Variants in NLGN1 observed in about 807,000 individuals in gnomAD.
The protein encoded by NLGN1 is neuroligin 1, also known as neuroligin-1.
NLGN1 carries 12 observed loss-of-function variants against 65.5 expected under a neutral mutation model. The observed-to-expected ratio is 0.18, with a 90% CI of 0.12 to 0.30. The LOEUF (loss-of-function observed/expected upper bound fraction) is 0.30, where lower values mean the gene tolerates loss of function less well. NLGN1 is among the 10% of genes least tolerant of loss of function. The pLI, the probability that NLGN1 is intolerant of heterozygous loss-of-function variation, is 1.00. For missense variants in NLGN1, 750 were observed against 1,007.1 expected, an observed-to-expected ratio of 0.74 and a Z score of 3.46; for synonymous variants, 350 against 359.5, an observed-to-expected ratio of 0.97 and a Z score of 0.30.
At chr3:173,980,175 A>G (rs1355345300) in intron 4 of NLGN1, among the ~76,000 whole-genome samples, 1 of 152,132 alleles carries the variant, frequency 6.6e-6, no homozygotes, top group Non-Finnish European at 1.5e-5. Context: ...ATTCTAAAGC[A>G]TTAACATATA....
At chr3:174,175,333 A>G (rs1326367062) in intron 4 of NLGN1, among the ~76,000 whole-genome samples, 2 of 151,786 alleles carry the variant, frequency 1.3e-5, no homozygotes, top group Admixed American at 1.3e-4. Flanking sequence ...GTGTGTATAT[A>G]TTTACAATTA....
chr3:173,601,136 G>A (rs962680911), intron 2 of NLGN1, among the ~76,000 whole-genome samples: 5 of 151,998 alleles, frequency 3.3e-5, no homozygotes, highest in Admixed American at 1.3e-4. Context: ...GACGAAGCTC[G>A]TCCTATGTGT....
chr3:173,523,355 C>T (rs762208037), intron 2 of NLGN1, among the ~76,000 whole-genome samples: 41 of 151,564 alleles, frequency 2.7e-4, no homozygotes, highest in African/African-American at 7.7e-4. Flanking sequence ...AAGAGTTTTC[C>T]GAGCTTTTCT....
chr3:173,869,706 C>T (rs144973349), intron 4 of NLGN1, among the ~76,000 whole-genome samples: 11 of 152,262 alleles, frequency 7.2e-5, no homozygotes, highest in African/African-American at 2.4e-4. Context: ...TTGGGAGACA[C>T]ATAGCACAAA....
At chr3:173,592,657 T>C (rs1560016253) in intron 2 of NLGN1, among the ~76,000 whole-genome samples, 1 of 152,208 alleles carries the variant, frequency 6.6e-6, no homozygotes, top group East Asian at 1.9e-4. Context: ...TGTTAATTGA[T>C]GAAAAATAGT....
intron 3 of NLGN1, among the ~76,000 whole-genome samples, chr3:173,704,002 T>G (rs529845099): frequency 6.6e-6 from 1 of 152,240 alleles, no homozygotes; most frequent in Admixed American, 6.5e-5. Flanking sequence ...ATTCAGATCC[T>G]GAGAGCAATT....
intron 4 of NLGN1, among the ~76,000 whole-genome samples, chr3:174,133,893 A>ACACACACACACACAC (rs1720691989): frequency 1.4e-5 from 2 of 144,804 alleles, no homozygotes; most frequent in Non-Finnish European, 3.0e-5. Context: ...CACCCCACAA[A>ACACACACACACACAC]ACACACACAC....
intron 2 of NLGN1, among the ~76,000 whole-genome samples, chr3:173,493,440 C>T (rs1458526623): frequency 6.6e-6 from 1 of 151,890 alleles, no homozygotes; most frequent in Non-Finnish European, 1.5e-5. Flanking sequence ...GGATTAGCAA[C>T]TCAACTTTAG....
chr3:174,113,585 C>T (rs960988673), intron 4 of NLGN1, among the ~76,000 whole-genome samples: 1 of 151,964 alleles, frequency 6.6e-6, no homozygotes, highest in Non-Finnish European at 1.5e-5. Flanking sequence ...GAGAATTTTG[C>T]AACAATTGTT....
At position 174,085,980 on chromosome 3, in the gene NLGN1, G is replaced by A. The variant is rs138406573; in HGVS notation, c.647-189335G>A. On this transcript the variant is annotated intron_variant, in intron 4 of 6. Transcript: ENST00000457714. Reference sequence around the variant, plus strand: ...TTCCGTTACAATGATGATTGTCAATGGATTTGTAATGAAATTAACAAATTT... The same window carrying A: ...TTCCGTTACAATGATGATTGTCAATAGATTTGTAATGAAATTAACAAATTT... Among the ~76,000 whole-genome samples, 6 of 151,868 alleles carry A rather than the reference G, an allele frequency of 4.0e-5. No homozygotes were observed. In the East Asian group the frequency reaches 1.2e-3, roughly 29 times the overall value.
chr3:173,870,576 AT>A (rs1458173717), intron 4 of NLGN1, among the ~76,000 whole-genome samples: 5 of 152,182 alleles, frequency 3.3e-5, no homozygotes, highest in African/African-American at 9.7e-5. Flanking sequence ...AGGATGAGAA[AT>A]TTATCTGGCT....
exon 7 of NLGN1, chr3:174,284,883 A>G (rs1294265333): frequency 1.3e-5 from 2 of 151,358 alleles, no homozygotes; most frequent in Admixed American, 1.3e-4. Context: ...GTGATGCTTT[A>G]TTTCCGACTT....
chr3:173,720,773 A>G lies in NLGN1; in HGVS notation c.494-86907A>G, dbSNP rs77207815. On this transcript the variant is annotated intron_variant, in intron 3 of 6. Transcript: ENST00000457714. The stretch of plus-strand genomic sequence containing the variant: ...TTTAGACCAATATTATTGGATGCCT[A>G]TGAAGGCATAGTGCAAAGATCTGGG... Among the ~76,000 whole-genome samples the G allele has an allele frequency of 1.8e-4, 27 of 152,352 alleles. No individual in the cohort carries two copies. The East Asian group carries it at 5.0e-3, about 28-fold the overall frequency.
At chr3:173,522,263 T>C (rs562661477) in intron 2 of NLGN1, among the ~76,000 whole-genome samples, 3 of 152,366 alleles carry the variant, frequency 2.0e-5, no homozygotes, top group African/African-American at 7.2e-5. Flanking sequence ...GCCCCGTTCA[T>C]GTCACTGCAA....
intron 4 of NLGN1, among the ~76,000 whole-genome samples, chr3:174,192,020 T>G (rs1240715847): frequency 6.6e-6 from 1 of 152,188 alleles, no homozygotes; most frequent in Non-Finnish European, 1.5e-5. Flanking sequence ...TGAACAAATA[T>G]GAATGTGACT....
At chr3:174,156,220 A>C (rs1309522801) in intron 4 of NLGN1, among the ~76,000 whole-genome samples, 1 of 151,936 alleles carries the variant, frequency 6.6e-6, no homozygotes, top group Non-Finnish European at 1.5e-5. Context: ...TGACTTTAGG[A>C]ATACCATTTA....
chr3:173,582,135 T>G (rs544376702), intron 2 of NLGN1, among the ~76,000 whole-genome samples: 7 of 152,200 alleles, frequency 4.6e-5, no homozygotes, highest in Non-Finnish European at 7.4e-5. Flanking sequence ...ACATCCTTTG[T>G]TGTTGTTGCT....
intron 4 of NLGN1, among the ~76,000 whole-genome samples, chr3:173,822,012 AGG>A (rs1166739680): frequency 3.3e-5 from 5 of 152,262 alleles, no homozygotes; most frequent in South Asian, 4.1e-4. Flanking sequence ...AAACTCTGCC[AGG>A]TTTTATTCAT....
At chr3:173,659,863 T>C (rs768070255) in intron 3 of NLGN1, among the ~76,000 whole-genome samples, 1 of 151,908 alleles carries the variant, frequency 6.6e-6, no homozygotes, top group Non-Finnish European at 1.5e-5. Context: ...TGTATGTTTT[T>C]GGTTCTATGT....
Sources: gnomAD v4.1 joint callset for allele counts (sites outside exome capture counted in the v4.1 genomes callset) on GRCh38, gnomAD v4.1.1 for gene constraint, MANE v1.5 for transcripts, NCBI Gene and HGNC (gene_info 2026-07-23, HGNC 2026-07-21) for gene names.